Variants in HPSE2 observed in about 807,000 individuals in gnomAD.
HPSE2 encodes heparanase 2 (inactive).
Under a neutral mutation model 60.5 loss-of-function variants are expected in HPSE2, and 38 were observed. The ratio of observed to expected loss-of-function variants is 0.63; its 90% confidence interval spans 0.48 to 0.82. The LOEUF is 0.82. Ranked by LOEUF, HPSE2 falls within the 40% of genes least tolerant of loss-of-function variation. The probability of loss-of-function intolerance (pLI) is 0.00; values close to 1 mark genes in which losing one functional copy is unlikely to be tolerated. For synonymous variants in HPSE2, 295 were observed against 293.2 expected (o/e 1.01, Z -0.06); for missense variants, 713 against 740.4 (o/e 0.96, Z 0.43).
At chr10:99,199,257 A>G (rs1848498698) in intron 2 of HPSE2, among the ~76,000 whole-genome samples, 1 of 152,290 alleles carries the variant, frequency 6.6e-6, no homozygotes, top group South Asian at 2.1e-4. Flanking sequence ...ACTGTTTTAC[A>G]TAGTGGCTGC....
At chr10:98,554,065 G>A (rs1351716136) in intron 9 of HPSE2, among the ~76,000 whole-genome samples, 1 of 152,158 alleles carries the variant, frequency 6.6e-6, no homozygotes, top group Non-Finnish European at 1.5e-5. Context: ...ATAATAATAT[G>A]TAATGTCTCA....
intron 2 of HPSE2, among the ~76,000 whole-genome samples, chr10:99,148,198 T>C (rs1359179740): frequency 6.6e-6 from 1 of 152,216 alleles, no homozygotes; most frequent in Non-Finnish European, 1.5e-5. Flanking sequence ...AGTTTGGAGT[T>C]AAGCAGACCT....
chr10:98,490,672 T>C (rs1306827533), intron 9 of HPSE2, among the ~76,000 whole-genome samples: 6 of 152,190 alleles, frequency 3.9e-5, no homozygotes, highest in Admixed American at 3.9e-4. Flanking sequence ...TGAAGACTAC[T>C]AGTGCAGTGG....
At chr10:98,487,339 G>C (rs759489474) in intron 10 of HPSE2, among the ~76,000 whole-genome samples, 4 of 152,206 alleles carry the variant, frequency 2.6e-5, no homozygotes, top group Non-Finnish European at 2.9e-5. Context: ...TACAAGATCA[G>C]AAATGACCCA....
At chr10:98,922,098 G>T (rs1954298524) in intron 3 of HPSE2, among the ~76,000 whole-genome samples, 2 of 152,116 alleles carry the variant, frequency 1.3e-5, no homozygotes, top group South Asian at 2.1e-4. Flanking sequence ...TAATAGAAAT[G>T]ATTTAATTAC....
At chr10:98,737,274 A>G (rs1949382904) in intron 4 of HPSE2, among the ~76,000 whole-genome samples, 1 of 141,598 alleles carries the variant, frequency 7.1e-6, no homozygotes, top group Non-Finnish European at 1.5e-5. Flanking sequence ...ACATTTATAT[A>G]TTAAACATAA....
chr10:99,059,588 T>A (rs1480075895), intron 3 of HPSE2, among the ~76,000 whole-genome samples: 3 of 152,170 alleles, frequency 2.0e-5, no homozygotes, highest in African/African-American at 7.2e-5. Flanking sequence ...TCTCCTTTTT[T>A]AAATAAAAAT....
chr10:98,579,403 T>C (rs1944730657), intron 9 of HPSE2, among the ~76,000 whole-genome samples: 1 of 152,176 alleles, frequency 6.6e-6, no homozygotes, highest in Non-Finnish European at 1.5e-5. Flanking sequence ...TAAAGAGTCT[T>C]AGAACAAAAA....
At chr10:99,117,513 G>A (rs191484227) in intron 3 of HPSE2, among the ~76,000 whole-genome samples, 11 of 139,838 alleles carry the variant, frequency 7.9e-5, no homozygotes, top group South Asian at 6.8e-4. Flanking sequence ...AATAAACATC[G>A]TCAGAAACAA....
chr10:98,918,806 G>T (rs926081992), intron 3 of HPSE2, among the ~76,000 whole-genome samples: 1 of 150,864 alleles, frequency 6.6e-6, no homozygotes, highest in African/African-American at 2.4e-5. Flanking sequence ...TTGTGCACAT[G>T]TACCCTAAAA....
At chr10:98,945,850 A>G (rs1955165119) in intron 3 of HPSE2, among the ~76,000 whole-genome samples, 1 of 152,198 alleles carries the variant, frequency 6.6e-6, no homozygotes, top group South Asian at 2.1e-4. Context: ...TTTACTGTTC[A>G]CATTGCAATA....
At chr10:98,529,997 C>T (rs145557826) in intron 9 of HPSE2, among the ~76,000 whole-genome samples, 8 of 152,336 alleles carry the variant, frequency 5.3e-5, no homozygotes, top group Non-Finnish European at 8.8e-5. Context: ...TGATAGAGCA[C>T]CTAGATGACT....
rs1589784965 is a variant in HPSE2, at chr10:99,181,129, T to C, written c.449-36730A>G. On this transcript the variant is annotated intron_variant, in intron 2 of 11. Coordinates refer to ENST00000370552, the MANE Select transcript of HPSE2 (RefSeq NM_021828.5). The stretch of plus-strand genomic sequence containing the variant: ...TAAAGACACACGCGGCCGGGCGCGG[T>C]GGCTCACGCCTGTAATCCCAGCACT... Among the ~76,000 whole-genome samples the C allele has an allele frequency of 2.6e-5, 4 of 151,730 alleles. No homozygotes were observed. The East Asian group carries it at 7.8e-4, about 30-fold the overall frequency.
At chr10:98,734,874 T>C (rs1047795377) in intron 4 of HPSE2, among the ~76,000 whole-genome samples, 1 of 135,860 alleles carries the variant, frequency 7.4e-6, no homozygotes, top group Non-Finnish European at 1.6e-5. Context: ...AGAGTACCCA[T>C]ATAATTTGTC....
intron 3 of HPSE2, among the ~76,000 whole-genome samples, chr10:98,842,123 T>C (rs1951929121): frequency 6.6e-6 from 1 of 152,210 alleles, no homozygotes; most frequent in Non-Finnish European, 1.5e-5. Flanking sequence ...AATAAATTTA[T>C]TGAGTAAATA....
At chr10:98,459,774 T>G in intron 11 of HPSE2, 35 bp from the exon 12 acceptor site, 1 of 1,590,520 alleles carries the variant, frequency 6.3e-7, no homozygotes, top group Non-Finnish European at 8.6e-7. Context: ...GACTCATTAT[T>G]GCATTATAAG....
chr10:99,300,329 A>G, the HPSE2 span, among the ~76,000 whole-genome samples: 1 of 152,164 alleles, frequency 6.6e-6, no homozygotes, highest in Non-Finnish European at 1.5e-5. Flanking sequence ...CCCACTGGAC[A>G]CCTTACAATC....
At chr10:98,865,941 C>T (rs570790976) in intron 3 of HPSE2, among the ~76,000 whole-genome samples, 2 of 152,110 alleles carry the variant, frequency 1.3e-5, no homozygotes, top group South Asian at 4.1e-4. Context: ...CTTAACTCTC[C>T]ATAAACATAG....
intron 3 of HPSE2, among the ~76,000 whole-genome samples, chr10:98,916,773 T>C (rs1407824074): frequency 6.6e-6 from 1 of 152,226 alleles, no homozygotes; most frequent in Non-Finnish European, 1.5e-5. Flanking sequence ...AGATAATCTA[T>C]TCTGATTAAC....
Sources: allele counts gnomAD v4.1 joint callset (sites outside exome capture counted in the v4.1 genomes callset), GRCh38; gene constraint gnomAD v4.1.1; transcripts MANE v1.5; gene names NCBI Gene and HGNC (gene_info 2026-07-23, HGNC 2026-07-21).